The following GABRA2 variants were observed in gnomAD, a reference collection of about 807,000 sequenced individuals.
GABRA2 encodes gamma-aminobutyric acid receptor subunit alpha-2.
Under a neutral mutation model 48.7 loss-of-function variants are expected in GABRA2, and 16 were observed. That is an observed-to-expected ratio of 0.33 (90% CI 0.22 to 0.50). The LOEUF (loss-of-function observed/expected upper bound fraction) is 0.50, where lower values mean the gene tolerates loss of function less well. Among genes scored for constraint, GABRA2 ranks in the 20% least tolerant of loss-of-function variants. GABRA2 has a pLI of 0.98. For synonymous variants in GABRA2, 185 were observed against 184.5 expected (o/e 1.00, Z -0.02); for missense variants, 275 against 535.6 (o/e 0.51, Z 4.80).
chr4:46,271,782 A>G (rs1438985270), intron 8 of GABRA2, among the ~76,000 whole-genome samples: 3 of 151,904 alleles, frequency 2.0e-5, no homozygotes, highest in African/African-American at 4.8e-5. Context: ...CAAAACTCGT[A>G]TCCCTCTCCT....
At chr4:46,321,617 G>A (rs1251892107) in intron 4 of GABRA2, among the ~76,000 whole-genome samples, 1 of 151,960 alleles carries the variant, frequency 6.6e-6, no homozygotes, top group Non-Finnish European at 1.5e-5. Flanking sequence ...GCTTTGAGCA[G>A]GTTGGCTAAC....
chr4:46,284,713 T>C lies in GABRA2; in HGVS notation c.856+18747A>G, dbSNP rs535929217. Reference sequence around the variant, plus strand: ...TCTTATTTGCTCTGTTCTATTATTCTATTCACAGCATGAACGCCATAAAGA... The same window carrying C: ...TCTTATTTGCTCTGTTCTATTATTCCATTCACAGCATGAACGCCATAAAGA... On this transcript the variant is annotated intron_variant, in intron 8 of 9. Coordinates refer to ENST00000381620, the MANE Select transcript of GABRA2 (RefSeq NM_000807.4). Among the ~76,000 whole-genome samples the C allele has an allele frequency of 9.2e-5, 14 of 152,284 alleles. No homozygotes were observed. The South Asian group carries it at 2.7e-3, about 29-fold the overall frequency.
At chr4:46,342,689 G>A (rs186427918) in intron 3 of GABRA2, among the ~76,000 whole-genome samples, 4 of 152,080 alleles carry the variant, frequency 2.6e-5, no homozygotes, top group Admixed American at 6.6e-5. Context: ...ACTCTGGTGC[G>A]TAGGCTGGAG....
intron 8 of GABRA2, among the ~76,000 whole-genome samples, chr4:46,289,489 G>A (rs931903736): frequency 1.3e-5 from 2 of 152,124 alleles, no homozygotes; most frequent in African/African-American, 4.8e-5. Context: ...ATAAGTGGTA[G>A]CTAAATGATG....
chr4:46,316,990 T>A (rs751813260), intron 4 of GABRA2, among the ~76,000 whole-genome samples: 19 of 151,954 alleles, frequency 1.3e-4, no homozygotes, highest in Non-Finnish European at 2.4e-4. Flanking sequence ...TGATGGATAC[T>A]TGGTGTAGTA....
intron 3 of GABRA2, among the ~76,000 whole-genome samples, chr4:46,377,546 C>T (rs1475359111): frequency 6.6e-6 from 1 of 151,838 alleles, no homozygotes; most frequent in African/African-American, 2.4e-5. Context: ...CAGCAGCCAC[C>T]CCGTCTGGGA....
chr4:46,340,143 A>G (rs1732965310), intron 3 of GABRA2, among the ~76,000 whole-genome samples: 1 of 151,864 alleles, frequency 6.6e-6, no homozygotes. Context: ...TCTTAAAGCT[A>G]CCATCATCTG....
At chr4:46,290,920 C>T (rs1181464030) in intron 8 of GABRA2, among the ~76,000 whole-genome samples, 1 of 151,690 alleles carries the variant, frequency 6.6e-6, no homozygotes, top group Non-Finnish European at 1.5e-5. Context: ...GTTGATCCAC[C>T]CTTGTTTATC....
At chr4:46,331,216 C>T (rs982245349) in intron 4 of GABRA2, among the ~76,000 whole-genome samples, 1 of 152,110 alleles carries the variant, frequency 6.6e-6, no homozygotes, top group Non-Finnish European at 1.5e-5. Context: ...TCTTGACATT[C>T]CTGTTTCAAA....
chr4:46,387,942 A>G (rs2109386342), intron 2 of GABRA2, among the ~76,000 whole-genome samples: 1 of 152,314 alleles, frequency 6.6e-6, no homozygotes, highest in South Asian at 2.1e-4. Context: ...GAAAATCAGG[A>G]AAGTCTACAA....
intron 8 of GABRA2, among the ~76,000 whole-genome samples, chr4:46,271,357 T>C (rs1391905578): frequency 6.6e-6 from 1 of 152,074 alleles, no homozygotes; most frequent in Non-Finnish European, 1.5e-5. Flanking sequence ...AAGGAAGTTC[T>C]ACAGACTGCA....
rs536746443 is a variant in GABRA2 at position 46,296,965 on chromosome 4, G to A, written c.856+6495C>T. On this transcript the variant is annotated intron_variant, in intron 8 of 9. Coordinates refer to ENST00000381620, the MANE Select transcript of GABRA2 (RefSeq NM_000807.4). ...TTGGGTTGGGGATTGGTGCATTTCC[G>A]GTTGTACGAAAGATAGTTGTATTAC... Among the ~76,000 whole-genome samples, 8 of 152,162 alleles carry A rather than the reference G, an allele frequency of 5.3e-5. No individual in the cohort carries two copies. The South Asian group carries it at 8.3e-4, about 16-fold the overall frequency.
intron 3 of GABRA2, among the ~76,000 whole-genome samples, chr4:46,336,484 G>C (rs571681705): frequency 6.6e-6 from 1 of 152,122 alleles, no homozygotes; most frequent in African/African-American, 2.4e-5. Context: ...TTTACCATTA[G>C]CAGAAATATC....
intron 3 of GABRA2, among the ~76,000 whole-genome samples, chr4:46,358,230 C>T (rs114443682): frequency 6.6e-5 from 10 of 152,188 alleles, no homozygotes; most frequent in South Asian, 2.1e-4. Flanking sequence ...CTGAGCTTTA[C>T]GATGTCCCAT....
chr4:46,277,502 T>A (rs765566547), intron 8 of GABRA2, among the ~76,000 whole-genome samples: 21 of 152,178 alleles, frequency 1.4e-4, no homozygotes, highest in Non-Finnish European at 2.9e-4. Flanking sequence ...ATTCTGCTCC[T>A]GCTGCCACCT....
chr4:46,243,640 A>T lies in GABRA2; in HGVS notation c.*6668T>A, dbSNP rs1227831672. The T allele has an allele frequency of 6.6e-6, 1 of 151,542 alleles. No homozygotes were observed. The highest frequency in any genetic ancestry group is 1.5e-5 in the Non-Finnish European group (1 of 67,606). The allele number at this position is 151,542 out of a possible 1,614,324, so 9.4% of individuals were successfully genotyped here. ...GAATTTTTTAAACAGCAAGCATGAC[A>T]TATTCAATAAAGGTCATATGATCAA... On this transcript the variant is annotated 3_prime_UTR_variant, in exon 10 of 10. Coordinates refer to ENST00000381620, the MANE Select transcript of GABRA2 (RefSeq NM_000807.4).
At chr4:46,277,479 C>T (rs1185754623) in intron 8 of GABRA2, among the ~76,000 whole-genome samples, 3 of 152,154 alleles carry the variant, frequency 2.0e-5, no homozygotes, top group Non-Finnish European at 2.9e-5. Context: ...TCCTATCCTA[C>T]TACCACCCAG....
At chr4:46,362,838 A>G (rs1713428138) in intron 3 of GABRA2, among the ~76,000 whole-genome samples, 1 of 152,228 alleles carries the variant, frequency 6.6e-6, no homozygotes, top group Non-Finnish European at 1.5e-5. Flanking sequence ...GGTGTATTCA[A>G]TTATCAAACA....
rs525862 is a variant in GABRA2 at position 46,247,030 on chromosome 4, T to C, written c.*3278A>G. On this transcript the variant is annotated 3_prime_UTR_variant, in exon 10 of 10. Coordinates refer to ENST00000381620, the MANE Select transcript of GABRA2 (RefSeq NM_000807.4). ...AATTATACTTACCAAATAATGAGAG[T>C]AAAATAATAGATTCTGGGTTGTTTT... Among the ~76,000 whole-genome samples, 1 of 150,558 alleles carries C rather than the reference T, an allele frequency of 6.6e-6. No individual in the cohort carries two copies. The highest frequency in any genetic ancestry group is 2.4e-5 in the African/African-American group (1 of 41,134).
Sources: allele counts gnomAD v4.1 joint callset (sites outside exome capture counted in the v4.1 genomes callset), GRCh38; gene constraint gnomAD v4.1.1; transcripts MANE v1.5; gene names NCBI Gene and HGNC (gene_info 2026-07-23, HGNC 2026-07-21).